Variants in TLN2 observed in about 807,000 individuals in gnomAD.
The protein encoded by TLN2 is talin 2.
TLN2 carries 118 observed loss-of-function variants against 294.7 expected under a neutral mutation model. That is an observed-to-expected ratio of 0.40 (90% confidence interval 0.34 to 0.47). TLN2 has a LOEUF of 0.47. Among genes scored for constraint, TLN2 ranks in the 20% least tolerant of loss-of-function variants. The pLI is 0.84. For synonymous variants in TLN2, 1,431 were observed against 1,304.5 expected (o/e 1.10, Z -2.09); for missense variants, 3,083 against 3,282.2 (o/e 0.94, Z 1.48).
rs145302552 is a variant in TLN2 at position 62,581,713 on chromosome 15, G to A, written c.-237-7974G>A. ...CTAGTTGACAACAGACCAAAGAGTCGAGAAGTTTATTCACAGACCCCAGGT... is the reference window on the plus strand; with the variant it reads ...CTAGTTGACAACAGACCAAAGAGTCAAGAAGTTTATTCACAGACCCCAGGT... On this transcript the variant is annotated intron_variant, in intron 1 of 58. Transcript: ENST00000636159. 3.3e-5 allele frequency among the ~76,000 whole-genome samples: 5 copies of A among 152,196 alleles called. No homozygotes were observed. In the East Asian group the frequency reaches 9.7e-4, roughly 29 times the overall value.
At chr15:62,641,529 T>C (rs1476948066) in intron 3 of TLN2, among the ~76,000 whole-genome samples, 1 of 151,936 alleles carries the variant, frequency 6.6e-6, no homozygotes, top group East Asian at 1.9e-4. Flanking sequence ...GGCAGGAGAA[T>C]CGTTTGAACC....
At chr15:62,442,338 T>C (rs927927125) in intron 1 of TLN2, among the ~76,000 whole-genome samples, 1 of 151,452 alleles carries the variant, frequency 6.6e-6, no homozygotes, top group South Asian at 2.1e-4. Context: ...CTACTAAAAG[T>C]ACAAAAATTA....
chr15:62,750,459 G>C lies in TLN2; in HGVS notation c.4177G>C (p.Asp1393His), dbSNP rs748202462. ...ACCTGTTAGTGACCTCTCTTACTTTGACTGCATTGAGAGTGTGATGGAAAA... is the reference window on the plus strand; with the variant it reads ...ACCTGTTAGTGACCTCTCTTACTTTCACTGCATTGAGAGTGTGATGGAAAA... ...NEPVSDLSYF[D>H]CIESVMENSK... The change falls in exon 34 of 59, where the codon GAC becomes CAC. Residue 1393 changes from aspartate (D) to histidine (H), a missense_variant. Transcript: ENST00000636159. The C allele has an allele frequency of 6.2e-7, 1 of 1,614,194 alleles. No individual in the cohort carries two copies. The highest frequency in any genetic ancestry group is 1.3e-5 in the African/African-American group (1 of 75,056).
chr15:62,406,178 G>T (rs186586206), intron 1 of TLN2, among the ~76,000 whole-genome samples: 144 of 152,336 alleles, frequency 9.5e-4, no homozygotes, highest in Non-Finnish European at 4.6e-4. Flanking sequence ...GAAATTTACT[G>T]TGTCAGTTCT....
chr15:62,737,281 T>C (rs1238015423), intron 29 of TLN2, among the ~76,000 whole-genome samples, 195 bp downstream of exon 29: 1 of 152,216 alleles, frequency 6.6e-6, no homozygotes, highest in Non-Finnish European at 1.5e-5. Flanking sequence ...TTCTCCACAG[T>C]AATGTGTGAT....
chr15:62,439,274 A>G (rs1412785531), intron 1 of TLN2, among the ~76,000 whole-genome samples: 4 of 152,146 alleles, frequency 2.6e-5, no homozygotes, highest in African/African-American at 9.7e-5. Context: ...AAACCTGTTA[A>G]TAGATTGATC....
At position 62,727,061 on chromosome 15, in the gene TLN2, C is replaced by G. The variant is rs749103553; in HGVS notation, c.3256-26C>G. ...GCAGATGTTCCTTTTCTTCTACGTT[C>G]TTTCCCTCCTTGAATATTCTTGTAG... On this transcript the variant is annotated intron_variant, in intron 27 of 58. Transcript: ENST00000636159. 2.5e-6 allele frequency: 4 copies of G among 1,609,170 alleles called. No individual in the cohort carries two copies. The South Asian group carries it at 4.4e-5, about 18-fold the overall frequency.
intron 1 of TLN2, among the ~76,000 whole-genome samples, chr15:62,478,487 G>A (rs919790845): frequency 6.6e-5 from 10 of 152,120 alleles, no homozygotes; most frequent in South Asian, 2.1e-4. Flanking sequence ...GGGGGCAGTC[G>A]TGAACAGGGA....
intron 2 of TLN2, among the ~76,000 whole-genome samples, chr15:62,597,927 G>A (rs1394745638): frequency 6.6e-6 from 1 of 152,162 alleles, no homozygotes; most frequent in Non-Finnish European, 1.5e-5. Flanking sequence ...TTTTCCACTT[G>A]TGGTGTCTTG....
intron 1 of TLN2, among the ~76,000 whole-genome samples, chr15:62,466,192 C>T (rs183296887): frequency 2.6e-5 from 4 of 152,320 alleles, no homozygotes; most frequent in Non-Finnish European, 5.9e-5. Context: ...GGTTGCAAAA[C>T]CTCCGAAACA....
intron 2 of TLN2, among the ~76,000 whole-genome samples, chr15:62,594,577 A>AAT (rs2046331499): frequency 6.6e-6 from 1 of 152,174 alleles, no homozygotes. Flanking sequence ...CTCTTCAATA[A>AAT]ATAGTGTTGG....
At chr15:62,623,287 G>A (rs1256260146) in intron 3 of TLN2, among the ~76,000 whole-genome samples, 1 of 152,214 alleles carries the variant, frequency 6.6e-6, no homozygotes, top group African/African-American at 2.4e-5. Flanking sequence ...ATTGTCTACG[G>A]CTAAGCATGA....
intron 41 of TLN2, among the ~76,000 whole-genome samples, chr15:62,768,320 G>T (rs1340622346): frequency 6.6e-6 from 1 of 152,188 alleles, no homozygotes; most frequent in Non-Finnish European, 1.5e-5. Flanking sequence ...TCTGTTCTTT[G>T]CTGCTTATAT....
At chr15:62,420,961 A>G (rs2034356063) in intron 1 of TLN2, among the ~76,000 whole-genome samples, 2 of 152,236 alleles carry the variant, frequency 1.3e-5, no homozygotes, top group Non-Finnish European at 2.9e-5. Context: ...CTTCAGGACT[A>G]ATACCTTAGT....
chr15:62,648,785 G>A (rs1183898810), intron 4 of TLN2, among the ~76,000 whole-genome samples: 2 of 152,108 alleles, frequency 1.3e-5, no homozygotes, highest in East Asian at 3.9e-4. Flanking sequence ...CTGACCTCTG[G>A]TGATCTGCCT....
At chr15:62,562,307 G>A (rs2043032918) in intron 1 of TLN2, among the ~76,000 whole-genome samples, 1 of 152,140 alleles carries the variant, frequency 6.6e-6, no homozygotes, top group African/African-American at 2.4e-5. Context: ...AAGGAGCCCA[G>A]TAACTGTGCG....
rs1263311537 is a variant in TLN2 at position 62,739,399 on chromosome 15, G to A, written c.3739G>A (p.Ala1247Thr). 20 of 1,614,050 alleles carry A rather than the reference G, an allele frequency of 1.2e-5. No homozygotes were observed. Among genetic ancestry groups the A allele is most frequent in the African/African-American group, 4.0e-5 (3 of 74,914 alleles). Residue 1247 changes from alanine to threonine, a missense_variant, in exon 31 of 59, where the codon GCA becomes ACA. By Grantham distance (58) the Ala-to-Thr change is moderately conservative (BLOSUM62 0). Transcript: ENST00000636159. The stretch of plus-strand genomic sequence containing the variant: ...GGAAGCCCAGAGTGAACTGAACCAG[G>A]CAGCAGCTGATCTGAACCAGTCTGC... ...FQEAQSELNQ[A>T]AADLNQSAGE... is the part of the protein sequence containing the mutation.
Position 62,586,646 on chromosome 15 carries a change from A to T in TLN2, c.-237-3041A>T, listed in dbSNP as rs541682714. ...ATCTCCATAGAAAACATTATTTCAT[A>T]TATAAATATAACCCAATAAAAATAA... On this transcript the variant is annotated intron_variant, in intron 1 of 58. Transcript: ENST00000636159. Among the ~76,000 whole-genome samples, 12 of 152,372 alleles carry T rather than the reference A, an allele frequency of 7.9e-5. No homozygotes were observed. In the South Asian group the frequency reaches 2.1e-3, roughly 26 times the overall value.
At chr15:62,754,883 G>A (rs763417364) in intron 36 of TLN2, 2 of 152,204 alleles carry the variant, frequency 1.3e-5, no homozygotes, top group Non-Finnish European at 2.9e-5. Context: ...TGGATGAGGA[G>A]GGAGCTGTTG....
Sources: gnomAD v4.1 joint callset for allele counts (sites outside exome capture counted in the v4.1 genomes callset) on GRCh38, gnomAD v4.1.1 for gene constraint, MANE v1.5 for transcripts, NCBI Gene and HGNC (gene_info 2026-07-23, HGNC 2026-07-21) for gene names.